Variants in CPVL observed in about 807,000 individuals in gnomAD.
CPVL encodes the protein probable serine carboxypeptidase CPVL.
CPVL carries 51 observed loss-of-function variants against 63.7 expected under a neutral mutation model. That is an observed-to-expected ratio of 0.80 (90% CI 0.64 to 1.01). The LOEUF (loss-of-function observed/expected upper bound fraction) is 1.01, where lower values mean the gene tolerates loss of function less well. Among genes scored for constraint, CPVL ranks in the 50% least tolerant of loss-of-function variants. The pLI is 0.00. For missense variants in CPVL, 530 were observed against 573.1 expected (o/e 0.92, Z 0.77); for synonymous variants, 195 against 206.0 (o/e 0.95, Z 0.46).
intron 5 of CPVL, among the ~76,000 whole-genome samples, chr7:29,152,458 A>G (rs1170906205): frequency 6.6e-6 from 1 of 152,130 alleles, no homozygotes; most frequent in Non-Finnish European, 1.5e-5. Flanking sequence ...TCATTTGAAA[A>G]TGGAAGTCAT....
intron 1 of CPVL, among the ~76,000 whole-genome samples, chr7:29,140,852 A>G (rs1791793093): frequency 6.6e-6 from 1 of 152,240 alleles, no homozygotes; most frequent in Non-Finnish European, 1.5e-5. Context: ...AAACAAATGC[A>G]TAAGTGAAAA....
intron 12 of CPVL, among the ~76,000 whole-genome samples, chr7:29,025,285 G>A (rs879257481): frequency 3.3e-5 from 5 of 152,186 alleles, no homozygotes; most frequent in Non-Finnish European, 5.9e-5. Context: ...ACCAACATTT[G>A]CTCAGCTTCT....
intron 10 of CPVL, 81 bp from the exon 11 acceptor site, chr7:29,064,315 C>CCAATGTTGTATGTTATGAGAA: frequency 1.3e-6 from 1 of 780,090 alleles, no homozygotes; most frequent in Non-Finnish European, 2.0e-6. Flanking sequence ...GTGAATTTCT[C>CCAATGTTGTATGTTATGAGAA]ATAACATACA....
intron 2 of CPVL, among the ~76,000 whole-genome samples, chr7:29,119,163 G>A (rs76026373): frequency 0.028 from 4,325 of 152,160 alleles, 170 homozygotes; most frequent in African/African-American, 0.094. Context: ...TCATTTACTC[G>A]CACAGTGATT....
intron 7 of CPVL, among the ~76,000 whole-genome samples, chr7:29,076,342 A>C (rs1784246375): frequency 6.6e-6 from 1 of 152,178 alleles, no homozygotes; most frequent in Admixed American, 6.5e-5. Context: ...CAGCTGGTCA[A>C]TGAAGCCCCT....
intron 9 of CPVL, 47 bp downstream of exon 9, chr7:29,071,726 A>G: frequency 4.1e-6 from 1 of 243,676 alleles, no homozygotes; most frequent in Non-Finnish European, 7.9e-6. Context: ...CTCCCTCCCC[A>G]GATGGTTTTA....
rs113618562 is a variant in CPVL, at chr7:29,024,702, G to C, written c.1320+5875C>G. Reference sequence around the variant, plus strand: ...AATGAGATGGTATATTCAAAGTGCTGAAAGAACAAAACTGACAACCAAGAT... The same window carrying C: ...AATGAGATGGTATATTCAAAGTGCTCAAAGAACAAAACTGACAACCAAGAT... On this transcript the variant is annotated intron_variant, in intron 12 of 12. Transcript: ENST00000265394. Among the ~76,000 whole-genome samples the C allele has an allele frequency of 1.4e-3, 217 of 152,256 alleles. 1 individual carries two copies. Among genetic ancestry groups the C allele is most frequent in the African/African-American group, 4.5e-3 (187 of 41,546 alleles).
chr7:29,045,179 C>T (rs1479308656), intron 11 of CPVL, among the ~76,000 whole-genome samples: 11 of 151,994 alleles, frequency 7.2e-5, no homozygotes, highest in Admixed American at 3.3e-4. Flanking sequence ...GAGAAGATGT[C>T]GAAAGCATGG....
chr7:29,063,182 CA>C (rs1440198022), intron 11 of CPVL, among the ~76,000 whole-genome samples: 1 of 152,186 alleles, frequency 6.6e-6, no homozygotes, highest in Non-Finnish European at 1.5e-5. Context: ...TCTCCACTGG[CA>C]CCTCCACTGG....
intron 7 of CPVL, among the ~76,000 whole-genome samples, chr7:29,085,209 G>T (rs1253704305): frequency 6.6e-6 from 1 of 152,152 alleles, no homozygotes; most frequent in Non-Finnish European, 1.5e-5. Flanking sequence ...TGATTCCAAG[G>T]CTAGGGCAGG....
Position 29,112,698 on chromosome 7 carries a change from A to C in CPVL, c.288+6T>G. On this transcript the variant is annotated splice_donor_region_variant and intron_variant, in intron 3 of 12. Coordinates refer to ENST00000265394, the MANE Select transcript of CPVL (RefSeq NM_031311.5). ...AACACTGGTGTTCTTTCTGTTGGGC[A>C]CCTACCTGAGCTGGGAAGAACCAGA... 1 of 1,595,454 alleles carries C rather than the reference A, an allele frequency of 6.3e-7. No homozygotes were observed. The highest frequency in any genetic ancestry group is 8.6e-7 in the Non-Finnish European group (1 of 1,163,688).
intron 6 of CPVL, among the ~76,000 whole-genome samples, chr7:29,089,027 T>A (rs1223952913): frequency 6.6e-6 from 1 of 152,178 alleles, no homozygotes; most frequent in East Asian, 1.9e-4. Context: ...ACTCCATGCA[T>A]TTATTCAGGT....
chr7:29,029,322 A>C (rs1787794679), intron 12 of CPVL, among the ~76,000 whole-genome samples: 1 of 152,248 alleles, frequency 6.6e-6, no homozygotes, highest in Non-Finnish European at 1.5e-5. Flanking sequence ...AAAGGAAAAG[A>C]AATCAGTATA....
intron 1 of CPVL, among the ~76,000 whole-genome samples, chr7:29,144,312 G>A (rs1011425234): frequency 6.6e-6 from 1 of 151,900 alleles, no homozygotes; most frequent in East Asian, 1.9e-4. Context: ...TGTAATCCCA[G>A]CACTTTGGAA....
intron 7 of CPVL, among the ~76,000 whole-genome samples, chr7:29,079,475 T>C (rs981010174): frequency 1.6e-4 from 25 of 152,202 alleles, no homozygotes; most frequent in Admixed American, 1.5e-3. Context: ...ACCTCACCTG[T>C]AAAATGGGAA....
At chr7:29,159,438 G>C (rs1794882503) in intron 5 of CPVL, among the ~76,000 whole-genome samples, 1 of 152,166 alleles carries the variant, frequency 6.6e-6, no homozygotes, top group Non-Finnish European at 1.5e-5. Flanking sequence ...AAAACTATCT[G>C]CCTTGAAAGT....
chr7:29,036,339 A>G (rs1788524634), intron 11 of CPVL, among the ~76,000 whole-genome samples: 1 of 152,210 alleles, frequency 6.6e-6, no homozygotes, highest in African/African-American at 2.4e-5. Flanking sequence ...ACACAGAATA[A>G]GAGGTCAGTG....
chr7:29,103,188 G>A lies in CPVL; in HGVS notation c.289-6971C>T, dbSNP rs1030466821. ...ACAGTAAGTTAATATACTGGGGGGG[G>A]GGGGGGGGTGCTAAAAACTTGCCAA... On this transcript the variant is annotated intron_variant, in intron 3 of 12. Coordinates refer to ENST00000265394, the MANE Select transcript of CPVL (RefSeq NM_031311.5). Among the ~76,000 whole-genome samples, 543 of 140,530 alleles carry A rather than the reference G, an allele frequency of 3.9e-3. 28 individuals are homozygous for A. The highest frequency in any genetic ancestry group is 6.4e-3 in the Non-Finnish European group (409 of 63,788). The allele number at this position is 140,530 out of a possible 152,430, so 92.2% of individuals were successfully genotyped here.
At chr7:29,035,136 TTTA>T (rs1249222959) in intron 11 of CPVL, among the ~76,000 whole-genome samples, 3 of 152,106 alleles carry the variant, frequency 2.0e-5, no homozygotes, top group Non-Finnish European at 4.4e-5. Flanking sequence ...GAAAAGCATC[TTTA>T]TTATTATTAA....
Sources: allele counts gnomAD v4.1 joint callset (sites outside exome capture counted in the v4.1 genomes callset), GRCh38; gene constraint gnomAD v4.1.1; transcripts MANE v1.5; gene names NCBI Gene and HGNC (gene_info 2026-07-23, HGNC 2026-07-21).